SLC22A23: variants seen among roughly 807,000 people sequenced by gnomAD.
SLC22A23 encodes solute carrier family 22 member 23.
SLC22A23 carries 26 observed loss-of-function variants against 61.0 expected under a neutral mutation model. The ratio of observed to expected loss-of-function variants is 0.43; its 90% CI spans 0.31 to 0.59. The LOEUF is 0.59. Among genes scored for constraint, SLC22A23 ranks in the 20% least tolerant of loss-of-function variants. SLC22A23 has a pLI of 0.11. For synonymous variants in SLC22A23, 430 were observed against 413.9 expected, an observed-to-expected ratio of 1.04 and a Z score of -0.47; for missense variants, 796 against 934.7, an observed-to-expected ratio of 0.85 and a Z score of 1.94.
At chr6:3,349,395 T>C (rs1404779487) in intron 3 of SLC22A23, among the ~76,000 whole-genome samples, 2 of 152,084 alleles carry the variant, frequency 1.3e-5, no homozygotes, top group Non-Finnish European at 2.9e-5. Context: ...CCAAATTGAC[T>C]CCTACCACCA....
chr6:3,368,690 T>C (rs1030298222), intron 3 of SLC22A23, among the ~76,000 whole-genome samples: 4 of 151,962 alleles, frequency 2.6e-5, no homozygotes, highest in Non-Finnish European at 5.9e-5. Flanking sequence ...ACAAATCCAA[T>C]AGAATGGGGA....
intron 3 of SLC22A23, among the ~76,000 whole-genome samples, chr6:3,326,298 C>T (rs773629868): frequency 8.7e-4 from 132 of 152,310 alleles, no homozygotes; most frequent in Non-Finnish European, 1.2e-3. Flanking sequence ...AAGTGGTCGG[C>T]GTGGCCCCTA....
intron 3 of SLC22A23, among the ~76,000 whole-genome samples, chr6:3,374,287 T>A (rs143051287): frequency 2.8e-4 from 42 of 152,324 alleles, no homozygotes; most frequent in African/African-American, 9.6e-4. Context: ...TATCTTTGGG[T>A]TCCCTCCCTG....
chr6:3,284,101 A>G (rs573254174), intron 8 of SLC22A23, 126 bp from the exon 9 acceptor site: 15 of 968,298 alleles, frequency 1.5e-5, no homozygotes, highest in South Asian at 6.9e-5. Flanking sequence ...TGGGTATGCA[A>G]TTCCCTCTGG....
intron 4 of SLC22A23, chr6:3,312,252 C>T (rs1396755813): frequency 4.6e-5 from 7 of 152,222 alleles, no homozygotes; most frequent in Admixed American, 4.6e-4. Context: ...AATCTATAAC[C>T]TTCCATGTGG....
intron 5 of SLC22A23, among the ~76,000 whole-genome samples, chr6:3,296,767 T>A (rs1348440041): frequency 1.3e-5 from 2 of 152,120 alleles, no homozygotes; most frequent in Admixed American, 6.5e-5. Context: ...CTCACGGCCC[T>A]GCACAAGTTG....
At position 3,272,472 on chromosome 6, in the gene SLC22A23, A is replaced by G. The variant is rs1163544870; in HGVS notation, c.*583T>C. On this transcript the variant is annotated 3_prime_UTR_variant, in exon 10 of 10. Transcript: ENST00000406686. ...GGCGTCTGTGAGCTGCTTTCCCTGC[A>G]CACGAACAGAAGCTCTTACCTTACA... The G allele has an allele frequency of 6.5e-6, 1 of 152,794 alleles. No homozygotes were observed. Among genetic ancestry groups the G allele is most frequent in the African/African-American group, 2.4e-5 (1 of 41,466 alleles). The allele number at this position is 152,794 out of a possible 1,614,324, so 9.5% of individuals were successfully genotyped here.
chr6:3,436,293 G>A (rs1022998370), intron 1 of SLC22A23, among the ~76,000 whole-genome samples: 8 of 151,942 alleles, frequency 5.3e-5, no homozygotes, highest in African/African-American at 1.2e-4. Context: ...CCGCCACCAC[G>A]TCCAGCTATT....
intron 3 of SLC22A23, among the ~76,000 whole-genome samples, chr6:3,336,270 G>A (rs1327071115): frequency 6.6e-6 from 1 of 152,190 alleles, no homozygotes; most frequent in Non-Finnish European, 1.5e-5. Flanking sequence ...TGGCGGGAAG[G>A]AGGAGACAGC....
At chr6:3,337,472 C>T (rs557286899) in intron 3 of SLC22A23, among the ~76,000 whole-genome samples, 3 of 150,752 alleles carry the variant, frequency 2.0e-5, no homozygotes, top group South Asian at 2.1e-4. Flanking sequence ...TTAAATCCTG[C>T]CTTGTCCTGC....
At chr6:3,432,471 G>A (rs1270811768) in intron 1 of SLC22A23, 8 of 857,374 alleles carry the variant, frequency 9.3e-6, no homozygotes, top group Non-Finnish European at 1.1e-5. Context: ...GGCAGAGGGA[G>A]GACTTCCAGG....
chr6:3,305,406 G>T (rs1186450994), intron 4 of SLC22A23, among the ~76,000 whole-genome samples: 1 of 152,210 alleles, frequency 6.6e-6, no homozygotes, highest in Non-Finnish European at 1.5e-5. Context: ...AGGCATTGCG[G>T]AATGCCACAA....
At chr6:3,336,685 GAATCAGACCACAGA>G (rs57498562) in intron 3 of SLC22A23, among the ~76,000 whole-genome samples, 2,901 of 152,214 alleles carry the variant, frequency 0.019, 44 homozygotes, top group Non-Finnish European at 0.029. Context: ...AACACGCCCT[GAATCAGACCACAGA>G]AATCAGACCA....
chr6:3,362,398 G>A (rs868475635), intron 3 of SLC22A23, among the ~76,000 whole-genome samples: 18 of 80,394 alleles, frequency 2.2e-4, no homozygotes, highest in African/African-American at 6.1e-4. Flanking sequence ...GCGAGATTCC[G>A]TCTCACAAAA....
chr6:3,320,462 C>T (rs1487521762), intron 4 of SLC22A23, among the ~76,000 whole-genome samples: 1 of 152,180 alleles, frequency 6.6e-6, no homozygotes, highest in Non-Finnish European at 1.5e-5. Context: ...CTCAGAGATA[C>T]AGCACTCCAA....
chr6:3,435,165 G>A (rs1184801725), intron 1 of SLC22A23, among the ~76,000 whole-genome samples: 1 of 152,088 alleles, frequency 6.6e-6, no homozygotes, highest in Non-Finnish European at 1.5e-5. Context: ...GCTCCAGCAG[G>A]TGGCTTAGCT....
At chr6:3,291,626 A>C (rs925884213) in intron 5 of SLC22A23, 2 of 152,202 alleles carry the variant, frequency 1.3e-5, no homozygotes, top group African/African-American at 4.8e-5. Context: ...CCTCAGCAAA[A>C]ATGGGCTACT....
chr6:3,410,261 C>T lies in SLC22A23; in HGVS notation c.840G>A (p.Val280=). Residue 280 remains valine (V), a synonymous_variant, in exon 3 of 10, where the codon GTG becomes GTA. Transcript: ENST00000406686. This position sits in a 1 kb window ranked among gnomAD's most constrained non-coding sequence, Gnocchi z 5.0. ...AGAACCTGAGTGTGCTGAACATTGT[C>T]ACATTCACTGACAGTGCCACAGTCA... ...FGLTVALSVN[V]TMFSTLRFFE... The T allele has an allele frequency of 1.2e-6, 2 of 1,613,910 alleles. No homozygotes were observed. The highest frequency in any genetic ancestry group is 1.7e-6 in the Non-Finnish European group (2 of 1,179,946).
chr6:3,281,174 C>A (rs1183954525), intron 9 of SLC22A23, among the ~76,000 whole-genome samples: 1 of 152,234 alleles, frequency 6.6e-6, no homozygotes, highest in Non-Finnish European at 1.5e-5. Context: ...GGACCCCAGG[C>A]CACTTCTGCC....
Sources: allele counts gnomAD v4.1 joint callset (sites outside exome capture counted in the v4.1 genomes callset), GRCh38; gene constraint gnomAD v4.1.1; non-coding constraint Gnocchi (gnomAD v3.1); transcripts MANE v1.5; gene names NCBI Gene and HGNC (gene_info 2026-07-23, HGNC 2026-07-21).